The following STK33 variants were observed in gnomAD, a reference collection of about 807,000 sequenced individuals.
STK33 encodes the protein serine/threonine-protein kinase 33.
In STK33, 52 loss-of-function variants were observed where a neutral mutation model predicts 58.0. The ratio of observed to expected loss-of-function variants is 0.90; its 90% confidence interval spans 0.72 to 1.13. STK33 has a LOEUF of 1.13. STK33 is among the 50% of genes most tolerant of loss of function. The pLI is 0.00. For synonymous variants in STK33, 215 were observed against 200.1 expected (o/e 1.07, Z -0.63); for missense variants, 630 against 604.2 (o/e 1.04, Z -0.45).
chr11:8,514,561 T>C (rs181440383), intron 1 of STK33, among the ~76,000 whole-genome samples: 3 of 152,340 alleles, frequency 2.0e-5, no homozygotes, highest in East Asian at 1.9e-4. Flanking sequence ...TCCACCAAGG[T>C]TGAGTACCTC....
chr11:8,532,629 C>A (rs1954642465), intron 1 of STK33, among the ~76,000 whole-genome samples: 2 of 152,218 alleles, frequency 1.3e-5, no homozygotes, highest in Admixed American at 6.5e-5. Flanking sequence ...ATGGCACAGG[C>A]TATCTGCACT....
chr11:8,483,559 T>C (rs1442327005), intron 1 of STK33, among the ~76,000 whole-genome samples: 1 of 152,106 alleles, frequency 6.6e-6, no homozygotes, highest in Non-Finnish European at 1.5e-5. Flanking sequence ...ACACAGGTTT[T>C]AGTGAACAGA....
intron 1 of STK33, among the ~76,000 whole-genome samples, chr11:8,591,422 G>A (rs1230580038): frequency 6.6e-6 from 1 of 152,142 alleles, no homozygotes; most frequent in Non-Finnish European, 1.5e-5. Flanking sequence ...GGATCATAAA[G>A]GAAAAGATTA....
At chr11:8,556,802 A>G in intron 1 of STK33, among the ~76,000 whole-genome samples, 1 of 152,206 alleles carries the variant, frequency 6.6e-6, no homozygotes, top group East Asian at 1.9e-4. Context: ...GCCTAAAATG[A>G]TGTAACACAT....
intron 1 of STK33, among the ~76,000 whole-genome samples, chr11:8,496,569 T>C (rs1951071697): frequency 6.6e-6 from 1 of 151,920 alleles, no homozygotes. Flanking sequence ...TAAGCCTGTG[T>C]GATATTTCAT....
chr11:8,419,690 G>T (rs1353369904), intron 14 of STK33, among the ~76,000 whole-genome samples: 1 of 152,076 alleles, frequency 6.6e-6, no homozygotes, highest in African/African-American at 2.4e-5. Flanking sequence ...TCATTTTAAT[G>T]ATATTGATTC....
At chr11:8,363,129 C>A in the STK33 span, among the ~76,000 whole-genome samples, 1 of 151,910 alleles carries the variant, frequency 6.6e-6, no homozygotes, top group African/African-American at 2.4e-5. Flanking sequence ...AGAAGTCCGG[C>A]ATGGGCTGAG....
At chr11:8,352,403 G>A in the STK33 span, among the ~76,000 whole-genome samples, 7,131 of 152,212 alleles carry the variant, frequency 0.047, 201 homozygotes, top group East Asian at 0.075. Context: ...GCCCCAAGGG[G>A]CTCAGTGAGT....
At chr11:8,411,321 C>G (rs1338993943) in intron 15 of STK33, among the ~76,000 whole-genome samples, 1 of 152,186 alleles carries the variant, frequency 6.6e-6, no homozygotes, top group East Asian at 1.9e-4. Context: ...GAAAACAAAT[C>G]TGAAACAAGT....
rs1944164174 is a variant in STK33, at chr11:8,437,076, T to C, written c.948-937A>G. On this transcript the variant is annotated intron_variant, in intron 12 of 15. Coordinates refer to ENST00000687296, the MANE Select transcript of STK33 (RefSeq NM_001352389.2). ...CGGACACAACTCATCAAAAATTGTA[T>C]ATGAAATCAAAAGGGTCTGAATGTG... is the stretch of plus-strand genomic sequence containing the variant. Among the ~76,000 whole-genome samples the C allele has an allele frequency of 2.6e-5, 4 of 152,194 alleles. 1 individual carries two copies. The South Asian group carries it at 8.3e-4, about 32-fold the overall frequency.
At position 8,455,810 on chromosome 11, in the gene STK33, C is replaced by CAAAA. The variant is rs1156835375; in HGVS notation, c.698-982_698-979dup. Among the ~76,000 whole-genome samples the CAAAA allele has an allele frequency of 7.9e-4, 37 of 47,130 alleles. 5 individuals are homozygous for CAAAA. The highest frequency in any genetic ancestry group is 3.9e-4 in the Non-Finnish European group (10 of 25,752). 30.9% of individuals were successfully genotyped at this position (47,130 alleles called of 152,430 possible). On this transcript the variant is annotated intron_variant, in intron 9 of 15. Transcript: ENST00000687296. ...TGGGTAACAGAGAGAGACTCTGTCT[C>CAAAA]AAAAAAAAAAAAAAAAAAAAAAAAA...
At chr11:8,426,591 T>C (rs1942799282) in intron 14 of STK33, among the ~76,000 whole-genome samples, 2 of 152,324 alleles carry the variant, frequency 1.3e-5, no homozygotes, top group Admixed American at 1.3e-4. Flanking sequence ...CCCAGCCTGT[T>C]TTCTCTATTT....
the STK33 span, among the ~76,000 whole-genome samples, chr11:8,360,184 CCA>C: frequency 3.9e-5 from 6 of 152,258 alleles, no homozygotes; most frequent in African/African-American, 1.4e-4. Context: ...CCCTACAACT[CCA>C]CAGTTTAGAG....
At chr11:8,425,344 C>T (rs1417946060) in intron 14 of STK33, among the ~76,000 whole-genome samples, 2 of 152,064 alleles carry the variant, frequency 1.3e-5, no homozygotes, top group East Asian at 3.9e-4. Context: ...CAGTGGTCTA[C>T]ATCTCTGTTT....
At chr11:8,574,126 G>A (rs1958018545) in intron 1 of STK33, among the ~76,000 whole-genome samples, 1 of 152,150 alleles carries the variant, frequency 6.6e-6, no homozygotes, top group South Asian at 2.1e-4. Flanking sequence ...TCACCCCAGA[G>A]GAAGTGGACA....
At chr11:8,448,401 AC>A (rs1945804182) in intron 11 of STK33, among the ~76,000 whole-genome samples, 1 of 152,238 alleles carries the variant, frequency 6.6e-6, no homozygotes, top group African/African-American at 2.4e-5. Context: ...GGCTACAGTA[AC>A]CAAAACAGCA....
intron 1 of STK33, among the ~76,000 whole-genome samples, chr11:8,552,244 A>T (rs1956350767): frequency 1.3e-5 from 2 of 152,196 alleles, no homozygotes; most frequent in Non-Finnish European, 2.9e-5. Flanking sequence ...TTCTCTTACC[A>T]GTCATGGCTT....
rs537322555 is a variant in STK33 at position 8,507,146 on chromosome 11, G to A, written c.-465-26532C>T. Among the ~76,000 whole-genome samples the A allele has an allele frequency of 9.9e-5, 15 of 152,196 alleles. 1 individual carries two copies. Among genetic ancestry groups the A allele is most frequent in the Admixed American group, 8.5e-4 (13 of 15,278 alleles). On this transcript the variant is annotated intron_variant, in intron 1 of 15. Transcript: ENST00000687296. ...GATCTGAAATACAAAAAAAGATGAC[G>A]CAAGGCCTTCTAGCAGCCTTGCCCC...
Position 8,473,294 on chromosome 11 carries a change from A to G in STK33, c.226-18T>C. 7.2e-7 allele frequency: 1 copy of G among 1,388,610 alleles called. No homozygotes were observed. Among genetic ancestry groups the G allele is most frequent in the Non-Finnish European group, 1.0e-6 (1 of 999,376 alleles). The allele number at this position is 1,388,610 out of a possible 1,614,324, so 86.0% of individuals were successfully genotyped here. ...CTTGAGGGCTGGGACCAAAAAAAAA[A>G]TTAAAAAAAAAAAACTTTAAGATGT... On this transcript the variant is annotated intron_variant, in intron 5 of 15. Transcript: ENST00000687296.
Sources: gnomAD v4.1 joint callset for allele counts (sites outside exome capture counted in the v4.1 genomes callset) on GRCh38, gnomAD v4.1.1 for gene constraint, MANE v1.5 for transcripts, NCBI Gene and HGNC (gene_info 2026-07-23, HGNC 2026-07-21) for gene names.